The following PHACTR1 variants were observed in gnomAD, a reference collection of about 807,000 sequenced individuals.
The protein encoded by PHACTR1 is phosphatase and actin regulator 1, also known as RPEL repeat containing 1.
A neutral mutation model predicts 69.2 loss-of-function variants in PHACTR1; 16 were observed. The ratio of observed to expected loss-of-function variants is 0.23; its 90% CI spans 0.16 to 0.35. PHACTR1 has a LOEUF of 0.35. PHACTR1 is among the 10% of genes least tolerant of loss of function. The probability of loss-of-function intolerance (pLI) is 1.00; values close to 1 mark genes in which losing one functional copy is unlikely to be tolerated. For missense variants in PHACTR1, 510 were observed against 734.7 expected (o/e 0.69, Z 3.54); for synonymous variants, 312 against 284.5 (o/e 1.10, Z -0.97).
At chr6:13,231,094 G>GAGAGAAAGAAA (rs1562037234) in intron 10 of PHACTR1, among the ~76,000 whole-genome samples, 1 of 57,002 alleles carries the variant, frequency 1.8e-5, no homozygotes, top group Non-Finnish European at 3.9e-5. Context: ...GAAGAAGGAA[G>GAGAGAAAGAAA]GAAGGGAAAA....
At chr6:13,004,794 T>A (rs944401223) in intron 4 of PHACTR1, among the ~76,000 whole-genome samples, 4 of 152,314 alleles carry the variant, frequency 2.6e-5, no homozygotes, top group Non-Finnish European at 5.9e-5. Flanking sequence ...ACTTCAGATC[T>A]GGGCTTTGGC....
At chr6:13,058,727 A>T (rs1387874301) in intron 5 of PHACTR1, among the ~76,000 whole-genome samples, 1 of 152,176 alleles carries the variant, frequency 6.6e-6, no homozygotes, top group Non-Finnish European at 1.5e-5. Flanking sequence ...GAGTCTGAGG[A>T]AAGTGTAGAA....
chr6:12,890,694 T>G (rs1241168741), intron 4 of PHACTR1, among the ~76,000 whole-genome samples: 1 of 152,158 alleles, frequency 6.6e-6, no homozygotes, highest in Admixed American at 6.5e-5. Context: ...CTCACTTCAT[T>G]TAAGTGTTTA....
intron 6 of PHACTR1, among the ~76,000 whole-genome samples, chr6:13,173,637 G>T (rs77103596): frequency 0.022 from 3,422 of 152,242 alleles, 124 homozygotes; most frequent in African/African-American, 0.074. Context: ...TGGCAGCTTC[G>T]ATTGCAGTGA....
At chr6:13,218,155 G>T (rs1767964931) in intron 8 of PHACTR1, among the ~76,000 whole-genome samples, 1 of 152,168 alleles carries the variant, frequency 6.6e-6, no homozygotes, top group African/African-American at 2.4e-5. Flanking sequence ...CTTTAGAAAT[G>T]ATGGTGAAAT....
At chr6:13,205,109 G>A (rs1765715350) in intron 7 of PHACTR1, among the ~76,000 whole-genome samples, 1 of 152,170 alleles carries the variant, frequency 6.6e-6, no homozygotes, top group Non-Finnish European at 1.5e-5. Context: ...GGTGCTTCTG[G>A]TGAGGGCCTC....
intron 3 of PHACTR1, among the ~76,000 whole-genome samples, chr6:12,722,152 A>C (rs79449440): frequency 0.035 from 5,266 of 152,292 alleles, 272 homozygotes; most frequent in African/African-American, 0.12. Flanking sequence ...GGTTAAGTAT[A>C]TAAAACTTGG....
Position 12,933,994 on chromosome 6 carries a change from CAT to C in PHACTR1, c.251-119369_251-119368del, listed in dbSNP as rs1789171346. On this transcript the variant is annotated intron_variant, in intron 4 of 14. Coordinates refer to ENST00000332995, the MANE Select transcript of PHACTR1 (RefSeq NM_030948.6). ...TAACAAAGTACCACAAACTACATGA[CAT>C]AAAACAATATCAATTTGCTCTCTGA... 9 of 1,507,252 alleles carry C rather than the reference CAT, an allele frequency of 6.0e-6. No individual in the cohort carries two copies. In the East Asian group the frequency reaches 1.7e-4, roughly 28 times the overall value. 93.4% of individuals were successfully genotyped at this position (1,507,252 alleles called of 1,614,324 possible).
chr6:12,896,376 A>G (rs1219006828), intron 4 of PHACTR1, among the ~76,000 whole-genome samples: 2 of 152,216 alleles, frequency 1.3e-5, no homozygotes, highest in African/African-American at 4.8e-5. Context: ...GTTTCTTCTC[A>G]CAGATTCTTC....
At chr6:13,237,484 G>T (rs1480578121) in intron 10 of PHACTR1, among the ~76,000 whole-genome samples, 2 of 152,160 alleles carry the variant, frequency 1.3e-5, no homozygotes, top group African/African-American at 4.8e-5. Flanking sequence ...CCTGGATGGT[G>T]TAGTTTATTC....
intron 4 of PHACTR1, among the ~76,000 whole-genome samples, chr6:13,046,448 G>C (rs938437650): frequency 6.6e-6 from 1 of 152,164 alleles, no homozygotes; most frequent in Non-Finnish European, 1.5e-5. Flanking sequence ...AAGGGATGGG[G>C]TGGAGGAGGG....
chr6:13,269,135 CA>C (rs754987783), intron 10 of PHACTR1, among the ~76,000 whole-genome samples: 4 of 58,190 alleles, frequency 6.9e-5, no homozygotes, highest in Non-Finnish European at 2.2e-4. Context: ...GCCTGATCTC[CA>C]AATGTAGGCG....
intron 4 of PHACTR1, among the ~76,000 whole-genome samples, chr6:12,985,795 C>T (rs915185696): frequency 2.0e-5 from 3 of 151,342 alleles, no homozygotes; most frequent in Non-Finnish European, 2.9e-5. Context: ...AGCTAGAACA[C>T]GTATTGTATA....
Position 13,255,408 on chromosome 6 carries a change from G to A in PHACTR1, c.1392-17452G>A, listed in dbSNP as rs183904050. Among the ~76,000 whole-genome samples the A allele has an allele frequency of 2.2e-3, 330 of 152,184 alleles. 1 individual carries two copies. The highest frequency in any genetic ancestry group is 7.4e-3 in the African/African-American group (309 of 41,514). On this transcript the variant is annotated intron_variant, in intron 10 of 14. Coordinates refer to ENST00000332995, the MANE Select transcript of PHACTR1 (RefSeq NM_030948.6). Reference sequence around the variant, plus strand: ...CAAACCATATCATTCTGCCCCTGGCGCCTCCCAAATCTCATGTCCTTCTCA... The same window carrying A: ...CAAACCATATCATTCTGCCCCTGGCACCTCCCAAATCTCATGTCCTTCTCA...
chr6:13,283,772 A>C lies in PHACTR1; in HGVS notation c.1650+210A>C. 1.5e-6 allele frequency: 1 copy of C among 652,062 alleles called. No homozygotes were observed. Among genetic ancestry groups the C allele is most frequent in the Non-Finnish European group, 2.6e-6 (1 of 389,650 alleles). The allele number at this position is 652,062 out of a possible 1,614,324, so 40.4% of individuals were successfully genotyped here. On this transcript the variant is annotated intron_variant, in intron 13 of 14. Coordinates refer to ENST00000332995, the MANE Select transcript of PHACTR1 (RefSeq NM_030948.6). This position sits in a 1 kb window ranked among gnomAD's most constrained non-coding sequence, Gnocchi z 4.7. The stretch of plus-strand genomic sequence containing the variant: ...TCGGAGAAAACACAAGGCACATAAT[A>C]CTGTGCCCATTTTACAGGAGGAGGA...
At chr6:12,885,250 C>T (rs1208828724) in intron 4 of PHACTR1, among the ~76,000 whole-genome samples, 3 of 152,202 alleles carry the variant, frequency 2.0e-5, no homozygotes, top group Non-Finnish European at 4.4e-5. Flanking sequence ...TCCAGAGTGG[C>T]CTTTCCATGT....
chr6:12,796,258 C>A (rs570779874), intron 4 of PHACTR1, among the ~76,000 whole-genome samples: 1 of 152,256 alleles, frequency 6.6e-6, no homozygotes, highest in South Asian at 2.1e-4. Context: ...ATGTATAATG[C>A]CCAATTTGAA....
intron 4 of PHACTR1, among the ~76,000 whole-genome samples, chr6:12,822,402 G>A (rs1180651404): frequency 6.6e-6 from 1 of 152,168 alleles, no homozygotes; most frequent in Non-Finnish European, 1.5e-5. Flanking sequence ...AGTCAGGGAG[G>A]CACAAGGGAG....
rs146990720 is a variant in PHACTR1 at position 13,171,877 on chromosome 6, C to T, written c.497-10642C>T. On this transcript the variant is annotated intron_variant, in intron 6 of 14. Transcript: ENST00000332995. The stretch of plus-strand genomic sequence containing the variant: ...TGCCTCCGGGGTTCAAGTGATTCTC[C>T]TGCCTCAGCTCCCAAGTAGCTGGGA... 5.6e-4 allele frequency among the ~76,000 whole-genome samples: 86 copies of T among 152,302 alleles called. No individual in the cohort carries two copies. In the East Asian group the frequency reaches 0.014, roughly 25 times the overall value.
Sources: gnomAD v4.1 joint callset for allele counts (sites outside exome capture counted in the v4.1 genomes callset) on GRCh38, gnomAD v4.1.1 for gene constraint, Gnocchi (gnomAD v3.1) non-coding constraint, MANE v1.5 for transcripts, NCBI Gene and HGNC (gene_info 2026-07-23, HGNC 2026-07-21) for gene names.